Variants in GAB2 observed in about 807,000 individuals in gnomAD.
The protein encoded by GAB2 is GRB2 associated binding protein 2.
A neutral mutation model predicts 65.5 loss-of-function variants in GAB2; 26 were observed. The ratio of observed to expected loss-of-function variants is 0.40; its 90% CI spans 0.29 to 0.55. The LOEUF is 0.55. Among genes scored for constraint, GAB2 ranks in the 20% least tolerant of loss-of-function variants. GAB2 has a pLI of 0.53. For synonymous variants in GAB2, 321 were observed against 329.6 expected, an observed-to-expected ratio of 0.97 and a Z score of 0.28; for missense variants, 884 against 875.8, an observed-to-expected ratio of 1.01 and a Z score of -0.12.
chr11:78,317,434 G>T (rs11237452), intron 1 of GAB2, among the ~76,000 whole-genome samples: 2 of 151,478 alleles, frequency 1.3e-5, no homozygotes, highest in Non-Finnish European at 2.9e-5. Flanking sequence ...GTGGCGGGCA[G>T]CTGTAGTCCC....
intron 1 of GAB2, among the ~76,000 whole-genome samples, chr11:78,407,586 T>C (rs998178024): frequency 4.0e-5 from 6 of 150,538 alleles, no homozygotes; most frequent in Admixed American, 2.7e-4. Context: ...TGAGCCCAGA[T>C]AGTGCCATTG....
chr11:78,404,749 C>A (rs1020890714), intron 1 of GAB2, among the ~76,000 whole-genome samples: 1 of 152,230 alleles, frequency 6.6e-6, no homozygotes, highest in Middle Eastern at 3.4e-3. Context: ...TTATCAGATA[C>A]TGGAAAGGAC....
intron 1 of GAB2, among the ~76,000 whole-genome samples, chr11:78,317,536 G>A (rs986797478): frequency 7.0e-5 from 9 of 129,044 alleles, no homozygotes; most frequent in Admixed American, 3.7e-4. Flanking sequence ...CTCCAGCCTG[G>A]CAACAGTGCG....
intron 1 of GAB2, among the ~76,000 whole-genome samples, chr11:78,319,653 G>T (rs1388329585): frequency 6.6e-6 from 1 of 152,114 alleles, no homozygotes; most frequent in Non-Finnish European, 1.5e-5. Flanking sequence ...TTTACTATAT[G>T]ACTAATCATA....
At chr11:78,258,122 T>C (rs192075210) in intron 2 of GAB2, among the ~76,000 whole-genome samples, 118 of 152,166 alleles carry the variant, frequency 7.8e-4, no homozygotes, top group Admixed American at 3.1e-3. Context: ...AAAGAAGAGG[T>C]TGGATTAGAT....
Position 78,367,829 on chromosome 11 carries a change from T to C in GAB2, c.75+49817A>G, listed in dbSNP as rs959661449. Among the ~76,000 whole-genome samples, 20 of 147,432 alleles carry C rather than the reference T, an allele frequency of 1.4e-4. No individual in the cohort carries two copies. In the South Asian group the frequency reaches 4.0e-3, roughly 29 times the overall value. On this transcript the variant is annotated intron_variant, in intron 1 of 9. Coordinates refer to ENST00000361507, the MANE Select transcript of GAB2 (RefSeq NM_080491.3). ...TGCTTAATTTTCTTTTTCTTTTTTT[T>C]TTTTTTTTTTTTTGAGACGGAGTCT...
intron 1 of GAB2, among the ~76,000 whole-genome samples, chr11:78,407,039 A>T (rs1260991123): frequency 6.6e-6 from 1 of 152,198 alleles, no homozygotes; most frequent in Non-Finnish European, 1.5e-5. Flanking sequence ...AGTAGAAATA[A>T]CCTAATATGA....
intron 1 of GAB2, among the ~76,000 whole-genome samples, chr11:78,296,419 T>C (rs1235898764): frequency 6.6e-6 from 1 of 152,252 alleles, no homozygotes; most frequent in East Asian, 1.9e-4. Flanking sequence ...CTAACAGCAC[T>C]TCAACTCTGC....
intron 1 of GAB2, among the ~76,000 whole-genome samples, chr11:78,348,779 A>T (rs937478891): frequency 2.6e-5 from 4 of 152,362 alleles, no homozygotes; most frequent in African/African-American, 7.2e-5. Context: ...GTGAATGTTC[A>T]TATCAGCTTT....
At chr11:78,377,337 T>G (rs555267961) in intron 1 of GAB2, among the ~76,000 whole-genome samples, 1 of 152,292 alleles carries the variant, frequency 6.6e-6, no homozygotes, top group South Asian at 2.1e-4. Context: ...TGTCCTCACA[T>G]GGCAGAAAAA....
At chr11:78,283,257 G>A (rs1352263705) in intron 1 of GAB2, among the ~76,000 whole-genome samples, 1 of 152,158 alleles carries the variant, frequency 6.6e-6, no homozygotes, top group Non-Finnish European at 1.5e-5. Context: ...GCCTGCACCT[G>A]TAGCTGTGAG....
chr11:78,250,597 T>A (rs1302032057), intron 2 of GAB2, among the ~76,000 whole-genome samples, 197 bp from the exon 3 acceptor site: 2 of 152,162 alleles, frequency 1.3e-5, no homozygotes, highest in African/African-American at 4.8e-5. Context: ...TACCTTTGTA[T>A]GGCTTCTGGG....
intron 7 of GAB2, 54 bp downstream of exon 7, chr11:78,222,051 C>A: frequency 1.7e-6 from 2 of 1,153,346 alleles, no homozygotes; most frequent in South Asian, 2.4e-5. Context: ...CCACATCACT[C>A]ATTTTCCCTA....
chr11:78,321,240 G>A (rs1855718032), intron 1 of GAB2, among the ~76,000 whole-genome samples: 1 of 152,204 alleles, frequency 6.6e-6, no homozygotes, highest in Admixed American at 6.5e-5. Flanking sequence ...AGAGCTGTGA[G>A]AGAGGAAAGA....
chr11:78,291,294 CAAAAAA>C lies in GAB2; in HGVS notation c.76-10399_76-10394del, dbSNP rs397848614. On this transcript the variant is annotated intron_variant, in intron 1 of 9. Transcript: ENST00000361507. The stretch of plus-strand genomic sequence containing the variant: ...GGTGAAACCGTCTCTACTAAAACGA[CAAAAAA>C]AAAAAAAAAAAAAAAATTAGCCAGG... Among the ~76,000 whole-genome samples, 5 of 103,838 alleles carry C rather than the reference CAAAAAA, an allele frequency of 4.8e-5. No homozygotes were observed. In the South Asian group the frequency reaches 1.2e-3, roughly 26 times the overall value. The allele number at this position is 103,838 out of a possible 152,430, so 68.1% of individuals were successfully genotyped here.
At chr11:78,320,230 TCTCA>T (rs1432884138) in intron 1 of GAB2, among the ~76,000 whole-genome samples, 5 of 152,026 alleles carry the variant, frequency 3.3e-5, no homozygotes, top group Non-Finnish European at 7.4e-5. Context: ...GAGACAGGGG[TCTCA>T]CTATGTTTCC....
At chr11:78,244,141 C>CCAAGATGGGCAGATT (rs566053212) in intron 3 of GAB2, among the ~76,000 whole-genome samples, 1 of 152,110 alleles carries the variant, frequency 6.6e-6, no homozygotes, top group East Asian at 1.9e-4. Context: ...CTTTAGGAGG[C>CCAAGATGGGCAGATT]CAAGATGGGC....
At position 78,219,181 on chromosome 11, in the gene GAB2, G is replaced by T; in HGVS notation, c.*91C>A. 8.3e-7 allele frequency: 1 copy of T among 1,208,680 alleles called. No homozygotes were observed. Among genetic ancestry groups the T allele is most frequent in the Non-Finnish European group, 1.2e-6 (1 of 837,468 alleles). 74.9% of individuals were successfully genotyped at this position (1,208,680 alleles called of 1,614,324 possible). ...GAGACTGGCAGAGTAGAGAGGAGGT[G>T]GATGGGAGGAAGAACGGGAGAGGGG... On this transcript the variant is annotated 3_prime_UTR_variant, in exon 10 of 10. Transcript: ENST00000361507.
intron 1 of GAB2, among the ~76,000 whole-genome samples, chr11:78,368,096 G>C (rs374446707): frequency 1.9e-4 from 29 of 151,972 alleles, no homozygotes; most frequent in African/African-American, 3.6e-4. Context: ...GATTACAGGC[G>C]TGAGCCACTG....
Sources: allele counts gnomAD v4.1 joint callset (sites outside exome capture counted in the v4.1 genomes callset), GRCh38; gene constraint gnomAD v4.1.1; transcripts MANE v1.5; gene names NCBI Gene and HGNC (gene_info 2026-07-23, HGNC 2026-07-21).